Variants in DLC1 observed in about 807,000 individuals in gnomAD.
DLC1 encodes the protein rho GTPase-activating protein 7.
In DLC1, 54 loss-of-function variants were observed where a neutral mutation model predicts 140.3. That is an observed-to-expected ratio of 0.38 (90% CI 0.31 to 0.48). The LOEUF is 0.48. Ranked by LOEUF, DLC1 falls within the 20% of genes least tolerant of loss-of-function variation. DLC1 has a pLI of 0.96. For missense variants in DLC1, 2,536 were observed against 1,907.0 expected (o/e 1.33, Z -6.14); for synonymous variants, 986 against 728.1 (o/e 1.35, Z -5.70).
chr8:13,481,271 C>T (rs770723533), intron 2 of DLC1, among the ~76,000 whole-genome samples: 28 of 151,976 alleles, frequency 1.8e-4, no homozygotes, highest in African/African-American at 5.8e-4. Flanking sequence ...CAAAAAAATA[C>T]AAAATCTTAA....
chr8:13,557,313 G>T (rs2117372600), intron 1 of DLC1, among the ~76,000 whole-genome samples: 1 of 152,296 alleles, frequency 6.6e-6, no homozygotes, highest in African/African-American at 2.4e-5. Context: ...TGGAACACGT[G>T]AGGGCCAGTG....
chr8:13,541,890 A>G (rs1472097367), intron 1 of DLC1, among the ~76,000 whole-genome samples: 2 of 152,304 alleles, frequency 1.3e-5, no homozygotes, highest in African/African-American at 2.4e-5. Context: ...TGTAGTGTCA[A>G]TCAAATATTT....
At chr8:13,454,746 G>A (rs1006866394) in intron 2 of DLC1, among the ~76,000 whole-genome samples, 4 of 152,070 alleles carry the variant, frequency 2.6e-5, no homozygotes, top group Non-Finnish European at 4.4e-5. Flanking sequence ...TAGAGACAGC[G>A]TCTCCTTATG....
chr8:13,559,167 G>C (rs1286533458), intron 1 of DLC1: 3 of 152,192 alleles, frequency 2.0e-5, no homozygotes, highest in Non-Finnish European at 4.4e-5. Context: ...CGATATAAAG[G>C]AAGTGCTTCA....
intron 5 of DLC1, among the ~76,000 whole-genome samples, chr8:13,223,038 C>G: frequency 6.6e-6 from 1 of 152,278 alleles, no homozygotes; most frequent in East Asian, 1.9e-4. Flanking sequence ...TAGGTATGAA[C>G]CACCATGCTT....
intron 2 of DLC1, among the ~76,000 whole-genome samples, chr8:13,498,447 CAGTT>C (rs1411091800): frequency 2.0e-5 from 3 of 152,066 alleles, no homozygotes; most frequent in Non-Finnish European, 4.4e-5. Flanking sequence ...TTCTGGTTGA[CAGTT>C]AAGTAACAGT....
intron 5 of DLC1, among the ~76,000 whole-genome samples, chr8:13,174,840 T>A (rs1378599678): frequency 6.6e-6 from 1 of 152,194 alleles, no homozygotes; most frequent in Non-Finnish European, 1.5e-5. Flanking sequence ...TTTTTTTTGC[T>A]GTGCAGAAGT....
chr8:13,221,189 C>T (rs1390739240), intron 5 of DLC1, among the ~76,000 whole-genome samples: 1 of 152,036 alleles, frequency 6.6e-6, no homozygotes, highest in Non-Finnish European at 1.5e-5. Context: ...TGGGTGTCAC[C>T]ACCGCATTCT....
intron 5 of DLC1, among the ~76,000 whole-genome samples, chr8:13,137,794 C>T (rs1822683661): frequency 6.6e-6 from 1 of 151,708 alleles, no homozygotes; most frequent in Non-Finnish European, 1.5e-5. Context: ...AATGGGGTTT[C>T]ACCACATTGG....
intron 1 of DLC1, among the ~76,000 whole-genome samples, chr8:13,592,515 C>T (rs931067765): frequency 6.6e-6 from 1 of 151,898 alleles, no homozygotes; most frequent in Non-Finnish European, 1.5e-5. Context: ...TAACATTGAC[C>T]AATATATTTC....
chr8:13,300,593 G>C (rs1486353761), intron 5 of DLC1, among the ~76,000 whole-genome samples: 1 of 152,078 alleles, frequency 6.6e-6, no homozygotes, highest in Non-Finnish European at 1.5e-5. Context: ...AGTTCACATT[G>C]GTCGGCCTCC....
intron 4 of DLC1, among the ~76,000 whole-genome samples, chr8:13,336,162 C>G (rs1378437334): frequency 2.0e-5 from 3 of 151,976 alleles, no homozygotes; most frequent in African/African-American, 4.8e-5. Flanking sequence ...AGCTGAAGTT[C>G]ATTCATCTAA....
chr8:13,391,427 G>C (rs1467367634), intron 4 of DLC1, among the ~76,000 whole-genome samples: 7 of 152,082 alleles, frequency 4.6e-5, no homozygotes, highest in Non-Finnish European at 8.8e-5. Context: ...ATTTGATTTG[G>C]AGTACATACA....
intron 5 of DLC1, among the ~76,000 whole-genome samples, chr8:13,226,153 A>G (rs1828789576): frequency 1.3e-5 from 2 of 152,158 alleles, no homozygotes; most frequent in Admixed American, 6.5e-5. Flanking sequence ...AGCTCAAACA[A>G]TCCTCCCACC....
chr8:13,417,766 G>T (rs1375115095), intron 2 of DLC1, among the ~76,000 whole-genome samples: 1 of 152,064 alleles, frequency 6.6e-6, no homozygotes, highest in African/African-American at 2.4e-5. Context: ...TCTAGTTCTA[G>T]ATCCCTGAGG....
chr8:13,138,386 C>G (rs372555315), intron 5 of DLC1, among the ~76,000 whole-genome samples: 4 of 152,300 alleles, frequency 2.6e-5, no homozygotes, highest in African/African-American at 9.6e-5. Context: ...AAATGGAAAT[C>G]CATTCCACTT....
chr8:13,563,309 C>T (rs926799752), intron 1 of DLC1, among the ~76,000 whole-genome samples: 15 of 152,206 alleles, frequency 9.9e-5, no homozygotes, highest in African/African-American at 3.4e-4. Flanking sequence ...AAGGATTTAT[C>T]GTCACTTGCT....
At chr8:13,465,887 G>C (rs1357744580) in intron 2 of DLC1, among the ~76,000 whole-genome samples, 2 of 152,086 alleles carry the variant, frequency 1.3e-5, no homozygotes. Flanking sequence ...GGGTTAGTTA[G>C]AATCAGGACT....
intron 5 of DLC1, among the ~76,000 whole-genome samples, chr8:13,153,266 T>C (rs1457411222): frequency 1.3e-5 from 2 of 152,176 alleles, no homozygotes; most frequent in African/African-American, 2.4e-5. Flanking sequence ...TGATCTTCGC[T>C]GTGAGTGTTA....
Sources: gnomAD v4.1 joint callset for allele counts (sites outside exome capture counted in the v4.1 genomes callset) on GRCh38, gnomAD v4.1.1 for gene constraint, MANE v1.5 for transcripts, NCBI Gene and HGNC (gene_info 2026-07-23, HGNC 2026-07-21) for gene names.